Variants in CTDSPL observed in about 807,000 individuals in gnomAD.
CTDSPL encodes the protein CTD small phosphatase-like protein.
In CTDSPL, 8 loss-of-function variants were observed where a neutral mutation model predicts 30.5. The observed-to-expected ratio is 0.26, with a 90% CI of 0.15 to 0.47. The LOEUF is 0.47. CTDSPL is among the 20% of genes least tolerant of loss of function. The pLI is 0.99. For missense variants in CTDSPL, 248 were observed against 366.1 expected, an observed-to-expected ratio of 0.68 and a Z score of 2.63; for synonymous variants, 110 against 137.9, an observed-to-expected ratio of 0.80 and a Z score of 1.42.
chr3:37,899,465 C>T (rs1292832699), intron 1 of CTDSPL, among the ~76,000 whole-genome samples: 1 of 152,206 alleles, frequency 6.6e-6, no homozygotes, highest in Non-Finnish European at 1.5e-5. Flanking sequence ...GCTGCCAACT[C>T]ATAGCCTGAA....
intron 1 of CTDSPL, among the ~76,000 whole-genome samples, chr3:37,922,307 T>C (rs1318443841): frequency 6.6e-6 from 1 of 151,904 alleles, no homozygotes; most frequent in African/African-American, 2.4e-5. Context: ...TATAAGTTAC[T>C]CTCTGAGTTG....
chr3:37,895,493 C>T (rs1362819490), intron 1 of CTDSPL, among the ~76,000 whole-genome samples: 1 of 152,210 alleles, frequency 6.6e-6, no homozygotes, highest in East Asian at 1.9e-4. Flanking sequence ...CACCCAAGCA[C>T]TACATGCTGT....
chr3:37,886,293 C>T (rs147235337), intron 1 of CTDSPL, among the ~76,000 whole-genome samples: 74 of 152,234 alleles, frequency 4.9e-4, no homozygotes, highest in African/African-American at 1.7e-3. Flanking sequence ...CCAAACCTTC[C>T]GCTTTACTTA....
intron 1 of CTDSPL, among the ~76,000 whole-genome samples, chr3:37,912,045 T>C (rs1698589353): frequency 6.6e-6 from 1 of 152,170 alleles, no homozygotes; most frequent in Non-Finnish European, 1.5e-5. Context: ...CTGGTCCTGA[T>C]ACACTTAGAA....
intron 4 of CTDSPL, among the ~76,000 whole-genome samples, chr3:37,965,821 A>C (rs1249055768): frequency 6.6e-6 from 1 of 152,108 alleles, no homozygotes; most frequent in Non-Finnish European, 1.5e-5. Flanking sequence ...GACCACACTG[A>C]CCTCTAGCAG....
intron 1 of CTDSPL, among the ~76,000 whole-genome samples, chr3:37,932,541 A>G (rs1372603320): frequency 2.0e-5 from 3 of 152,264 alleles, no homozygotes; most frequent in Non-Finnish European, 2.9e-5. Flanking sequence ...CAAAAGAAGA[A>G]ATAGAAATGA....
Position 37,879,671 on chromosome 3 carries a change from C to A in CTDSPL, c.79+17393C>A, listed in dbSNP as rs563140549. 4.6e-5 allele frequency among the ~76,000 whole-genome samples: 7 copies of A among 152,272 alleles called. No individual in the cohort carries two copies. The South Asian group carries it at 1.0e-3, about 23-fold the overall frequency. On this transcript the variant is annotated intron_variant, in intron 1 of 7. Coordinates refer to ENST00000273179, the MANE Select transcript of CTDSPL (RefSeq NM_001008392.2). ...GAGATCCCCTCAAGTGTCACCTTCT[C>A]TTGACACCTTCCTGCAGTGCTTGTG... is the stretch of plus-strand genomic sequence containing the variant.
intron 7 of CTDSPL, among the ~76,000 whole-genome samples, chr3:37,976,936 G>A (rs575473207): frequency 1.2e-4 from 19 of 152,166 alleles, no homozygotes; most frequent in African/African-American, 4.6e-4. Flanking sequence ...TTTTTCCCTG[G>A]AGAGGATGCT....
chr3:37,875,811 C>T (rs1299892430), intron 1 of CTDSPL, among the ~76,000 whole-genome samples: 3 of 152,144 alleles, frequency 2.0e-5, no homozygotes, highest in African/African-American at 7.2e-5. Context: ...TCATAGCAAT[C>T]GTGAAATAAG....
At chr3:37,874,899 T>G (rs1390011464) in intron 1 of CTDSPL, among the ~76,000 whole-genome samples, 1 of 152,184 alleles carries the variant, frequency 6.6e-6, no homozygotes, top group Admixed American at 6.5e-5. Flanking sequence ...ATTATATGTC[T>G]TAGAACTTAC....
intron 1 of CTDSPL, among the ~76,000 whole-genome samples, chr3:37,899,436 G>A (rs1019304564): frequency 1.6e-4 from 24 of 152,186 alleles, no homozygotes; most frequent in African/African-American, 5.5e-4. Context: ...CTGGTTCAAG[G>A]AAAGCCCCAT....
At chr3:37,936,432 C>T (rs1177180248) in intron 1 of CTDSPL, among the ~76,000 whole-genome samples, 2 of 152,016 alleles carry the variant, frequency 1.3e-5, no homozygotes, top group Admixed American at 1.3e-4. Context: ...CAACACTCCC[C>T]CTTTTATTCA....
At chr3:37,874,466 C>T (rs1158750177) in intron 1 of CTDSPL, among the ~76,000 whole-genome samples, 2 of 152,138 alleles carry the variant, frequency 1.3e-5, no homozygotes, top group African/African-American at 4.8e-5. Flanking sequence ...CGCGGTGGCT[C>T]AATGCCTGTA....
At chr3:37,877,033 G>T (rs1326099457) in intron 1 of CTDSPL, among the ~76,000 whole-genome samples, 1 of 150,526 alleles carries the variant, frequency 6.6e-6, no homozygotes, top group African/African-American at 2.5e-5. Flanking sequence ...TTGAACCCAG[G>T]AGGCAAAGGT....
At chr3:37,888,446 G>T (rs1698286784) in intron 1 of CTDSPL, among the ~76,000 whole-genome samples, 1 of 152,142 alleles carries the variant, frequency 6.6e-6, no homozygotes, top group Admixed American at 6.6e-5. Flanking sequence ...CTCCGACTTA[G>T]TGGTGCCATT....
At chr3:37,966,136 T>G (rs892626577) in intron 4 of CTDSPL, among the ~76,000 whole-genome samples, 8 of 152,198 alleles carry the variant, frequency 5.3e-5, no homozygotes, top group Non-Finnish European at 4.4e-5. Context: ...TACTGAGGAT[T>G]CCTGGCTCCA....
At chr3:37,907,672 G>A (rs889673335) in intron 1 of CTDSPL, among the ~76,000 whole-genome samples, 6 of 152,146 alleles carry the variant, frequency 3.9e-5, no homozygotes, top group East Asian at 1.9e-4. Context: ...GTGGGGGAAT[G>A]TTAAGAACGT....
intron 1 of CTDSPL, among the ~76,000 whole-genome samples, chr3:37,892,802 C>A (rs545059151): frequency 2.6e-5 from 4 of 152,180 alleles, no homozygotes; most frequent in Non-Finnish European, 5.9e-5. Context: ...AAAGCTGGAA[C>A]GATGTCTGAC....
intron 1 of CTDSPL, among the ~76,000 whole-genome samples, chr3:37,922,606 C>G (rs1295389295): frequency 6.6e-6 from 1 of 152,206 alleles, no homozygotes; most frequent in East Asian, 1.9e-4. Context: ...CCAGATAAGT[C>G]TTTACTAAAC....
Sources: gnomAD v4.1 joint callset for allele counts (sites outside exome capture counted in the v4.1 genomes callset) on GRCh38, gnomAD v4.1.1 for gene constraint, MANE v1.5 for transcripts, NCBI Gene and HGNC (gene_info 2026-07-23, HGNC 2026-07-21) for gene names.